Variants in IRGM observed in about 807,000 individuals in gnomAD.
The protein encoded by IRGM is immunity related GTPase M.
For missense variants in IRGM, 288 were observed against 219.9 expected (o/e 1.31, Z -1.96); for synonymous variants, 98 against 80.6 (o/e 1.22, Z -1.16).
intron 3 of IRGM, among the ~76,000 whole-genome samples, chr5:150,899,682 CA>C (rs1754925928): frequency 1.3e-5 from 2 of 151,928 alleles, no homozygotes; most frequent in African/African-American, 4.8e-5. Flanking sequence ...GACATAACAT[CA>C]AAAATGAATT....
chr5:150,858,401 T>C (rs1484837668), intron 1 of IRGM, among the ~76,000 whole-genome samples: 2 of 152,008 alleles, frequency 1.3e-5, no homozygotes, highest in South Asian at 2.1e-4. Context: ...ATTGACTTGG[T>C]GATGTGGGCT....
intron 3 of IRGM, among the ~76,000 whole-genome samples, chr5:150,881,661 T>C (rs1287919436): frequency 6.6e-6 from 1 of 151,978 alleles, no homozygotes; most frequent in African/African-American, 2.4e-5. Context: ...AAAATAATAA[T>C]AGCAATATCA....
chr5:150,855,828 T>C (rs1046269752), intron 1 of IRGM, among the ~76,000 whole-genome samples: 4 of 152,186 alleles, frequency 2.6e-5, no homozygotes, highest in African/African-American at 9.6e-5. Context: ...GAAATAAGAC[T>C]ATTAGGAAGA....
Position 150,848,383 on chromosome 5 carries a change from T to C in IRGM, c.260T>C (p.Val87Ala). Residue 87 changes from valine to alanine, a missense_variant, in exon 2 of 2, where the codon GTG becomes GCG. Transcript: ENST00000522154. ...SYFSSHFSNVVLWDLPGTGSA... is the reference protein window; with the variant it reads ...SYFSSHFSNVALWDLPGTGSA... Reference sequence around the variant, plus strand: ...TTCTCTTCCCACTTTTCAAATGTGGTGTTGTGGGACCTGCCTGGCACAGGG... The same window carrying C: ...TTCTCTTCCCACTTTTCAAATGTGGCGTTGTGGGACCTGCCTGGCACAGGG... 6.4e-7 allele frequency: 1 copy of C among 1,551,884 alleles called. No homozygotes were observed. Among genetic ancestry groups the C allele is most frequent in the Non-Finnish European group, 8.7e-7 (1 of 1,146,998 alleles).
At chr5:150,885,312 C>T (rs182399092) in intron 3 of IRGM, among the ~76,000 whole-genome samples, 18 of 151,684 alleles carry the variant, frequency 1.2e-4, no homozygotes, top group Admixed American at 1.1e-3. Context: ...ATTTTGGTTA[C>T]TGCAGCACTG....
chr5:150,898,871 A>G (rs1356109511), intron 3 of IRGM, among the ~76,000 whole-genome samples: 2 of 152,020 alleles, frequency 1.3e-5, no homozygotes, highest in Non-Finnish European at 2.9e-5. Context: ...AAGAAATATT[A>G]TGGGTTGAGT....
intron 3 of IRGM, among the ~76,000 whole-genome samples, chr5:150,880,690 C>T (rs1488982279): frequency 1.3e-5 from 2 of 152,194 alleles, no homozygotes; most frequent in African/African-American, 4.8e-5. Context: ...TATCACTCAA[C>T]ATGTTAAATA....
downstream of IRGM, among the ~76,000 whole-genome samples, chr5:150,902,385 CCTAT>C (rs1270805335): frequency 6.6e-6 from 1 of 152,082 alleles, no homozygotes; most frequent in Non-Finnish European, 1.5e-5. Context: ...TCAAAATGTG[CCTAT>C]CTTACGTTAA....
In IRGM at chr5:150,860,680, C is replaced by T. The variant is rs143886530; in HGVS notation, c.158+12026C>T. Among the ~76,000 whole-genome samples the T allele has an allele frequency of 1.1e-3, 160 of 152,340 alleles. 2 individuals carry two copies. Among genetic ancestry groups the T allele is most frequent in the African/African-American group, 3.7e-3 (154 of 41,578 alleles). On this transcript the variant is annotated intron_variant and NMD_transcript_variant, in intron 1 of 3. Transcript: ENST00000520549. ...CCACCCAGATCCCTGTGCTGCTCCC[C>T]AGGCTGTGGCCACTGTTTGCCACCA...
At chr5:150,851,045 G>T (rs1753967582), downstream of IRGM, among the ~76,000 whole-genome samples, 1 of 152,152 alleles carries the variant, frequency 6.6e-6, no homozygotes, top group South Asian at 2.1e-4. Flanking sequence ...AGCCATGCAG[G>T]TAAGAAAAAC....
At chr5:150,871,908 G>A (rs1754288299) in intron 1 of IRGM, among the ~76,000 whole-genome samples, 1 of 152,134 alleles carries the variant, frequency 6.6e-6, no homozygotes, top group African/African-American at 2.4e-5. Context: ...TTAAAAGATA[G>A]GTAGTCCCTA....
chr5:150,869,305 A>G (rs1754248628), intron 1 of IRGM, among the ~76,000 whole-genome samples: 1 of 152,166 alleles, frequency 6.6e-6, no homozygotes, highest in Non-Finnish European at 1.5e-5. Context: ...ATATTAAACT[A>G]TCCCTGTGTC....
chr5:150,876,248 G>C (rs903111900), intron 1 of IRGM, among the ~76,000 whole-genome samples: 7 of 152,158 alleles, frequency 4.6e-5, no homozygotes, highest in Non-Finnish European at 7.4e-5. Flanking sequence ...ATATGGTACT[G>C]TTTCTCCCAT....
chr5:150,863,864 C>T (rs564381009), intron 1 of IRGM, among the ~76,000 whole-genome samples: 1 of 152,242 alleles, frequency 6.6e-6, no homozygotes, highest in South Asian at 2.1e-4. Flanking sequence ...TTTGGGGAAG[C>T]TAGTTTTGAA....
Position 150,846,612 on chromosome 5 carries a change from C to T in IRGM, c.-1024C>T, listed in dbSNP as rs531902850. On this transcript the variant is annotated 5_prime_UTR_variant, in exon 1 of 2. Transcript: ENST00000522154. ...TGCTGCTGCTCATTCTTTGGGTCCA[C>T]ACTGCCTTTATGAGCTGTAACACTC... 1.5e-5 allele frequency: 2 copies of T among 136,420 alleles called. No individual in the cohort carries two copies. The highest frequency in any genetic ancestry group is 4.7e-4 in the South Asian group (2 of 4,274). The allele number at this position is 136,420 out of a possible 1,614,324, so 8.5% of individuals were successfully genotyped here. A position where few individuals can be genotyped will look rare whatever the true frequency, so the allele number is the denominator to read the frequency against.
intron 1 of IRGM, among the ~76,000 whole-genome samples, chr5:150,868,179 C>A (rs561576739): frequency 6.6e-6 from 1 of 152,096 alleles, no homozygotes; most frequent in Non-Finnish European, 1.5e-5. Flanking sequence ...CAGTTTCATT[C>A]TTCTACATGT....
intron 1 of IRGM, among the ~76,000 whole-genome samples, chr5:150,854,980 T>C (rs139344577): frequency 1.3e-5 from 2 of 152,194 alleles, no homozygotes; most frequent in Non-Finnish European, 2.9e-5. Context: ...ATTTACTTGG[T>C]TGCTCTTTTT....
Position 150,848,087 on chromosome 5 carries a change from C to T in IRGM, c.-37C>T. On this transcript the variant is annotated 5_prime_UTR_variant, in exon 2 of 2. Coordinates refer to ENST00000522154, the MANE Select transcript of IRGM (RefSeq NM_001145805.2). ...AAGTGCTGGGATTACAGGCATGAGC[C>T]ACGGCGCCTGGCCAGCATTGGGGTA... 1.3e-6 allele frequency: 2 copies of T among 1,494,952 alleles called. No individual in the cohort carries two copies. Among genetic ancestry groups the T allele is most frequent in the Non-Finnish European group, 1.8e-6 (2 of 1,114,324 alleles). The allele number at this position is 1,494,952 out of a possible 1,614,324, so 92.6% of individuals were successfully genotyped here.
chr5:150,872,997 C>G (rs1187543080), intron 1 of IRGM, among the ~76,000 whole-genome samples: 1 of 152,156 alleles, frequency 6.6e-6, no homozygotes, highest in African/African-American at 2.4e-5. Flanking sequence ...CAGTGGGAAC[C>G]GCAGTCACTC....
Sources: gnomAD v4.1 joint callset for allele counts (sites outside exome capture counted in the v4.1 genomes callset) on GRCh38, gnomAD v4.1.1 for gene constraint, MANE v1.5 for transcripts, NCBI Gene and HGNC (gene_info 2026-07-23, HGNC 2026-07-21) for gene names.